The following MYOF variants were observed in gnomAD, a reference collection of about 807,000 sequenced individuals.
MYOF encodes the protein myoferlin.
MYOF carries 244 observed loss-of-function variants against 284.2 expected under a neutral mutation model. That is an observed-to-expected ratio of 0.86 (90% CI 0.77 to 0.95). The LOEUF is 0.95. Ranked by LOEUF, MYOF falls within the 40% of genes least tolerant of loss-of-function variation. The pLI, the probability that MYOF is intolerant of heterozygous loss-of-function variation, is 0.00. For synonymous variants in MYOF, 904 were observed against 919.7 expected (o/e 0.98, Z 0.31); for missense variants, 2,496 against 2,560.6 (o/e 0.97, Z 0.54).
intron 51 of MYOF, among the ~76,000 whole-genome samples, chr10:93,311,869 CTAAG>C (rs1371044637): frequency 1.3e-5 from 2 of 152,162 alleles, no homozygotes; most frequent in Non-Finnish European, 2.9e-5. Context: ...GTCAGCAGAA[CTAAG>C]TGAGGTTATG....
rs184714261 is a variant in MYOF at position 93,348,524 on chromosome 10, A to T, written c.4084-742T>A. Among the ~76,000 whole-genome samples the T allele has an allele frequency of 3.1e-3, 476 of 152,184 alleles. 3 individuals carry two copies. Among genetic ancestry groups the T allele is most frequent in the Middle Eastern group, 6.8e-3 (2 of 294 alleles). ...TGGGGTCACCTGAGTGGTTTTTCTCATCTCTGCTGACCAAGGCTAGATTCC... is the reference window on the plus strand; with the variant it reads ...TGGGGTCACCTGAGTGGTTTTTCTCTTCTCTGCTGACCAAGGCTAGATTCC... On this transcript the variant is annotated intron_variant, in intron 36 of 53. Transcript: ENST00000359263.
At chr10:93,328,297 G>A (rs959364160) in intron 45 of MYOF, among the ~76,000 whole-genome samples, 3 of 152,066 alleles carry the variant, frequency 2.0e-5, no homozygotes, top group Non-Finnish European at 4.4e-5. Context: ...AGGACAGGTC[G>A]GATTATAAAT....
chr10:93,409,558 C>T lies in MYOF; in HGVS notation c.600+15G>A. Reference sequence around the variant, plus strand: ...AAAGATTAAACAAAGAAGCAGAACGCCAGGCCGTTGCTACCTGGAAGTCCT... The same window carrying T: ...AAAGATTAAACAAAGAAGCAGAACGTCAGGCCGTTGCTACCTGGAAGTCCT... On this transcript the variant is annotated intron_variant, in intron 6 of 53. Transcript: ENST00000359263. The T allele has an allele frequency of 6.2e-7, 1 of 1,610,060 alleles. No homozygotes were observed. The highest frequency in any genetic ancestry group is 1.7e-5 in the Admixed American group (1 of 58,728).
At chr10:93,361,755 C>T (rs1040103594) in intron 27 of MYOF, among the ~76,000 whole-genome samples, 198 bp from the exon 28 acceptor site, 1 of 151,904 alleles carries the variant, frequency 6.6e-6, no homozygotes, top group African/African-American at 2.4e-5. Flanking sequence ...TTTAAACTAC[C>T]TTTTGTTTTT....
chr10:93,418,929 C>T (rs879540460), intron 5 of MYOF, among the ~76,000 whole-genome samples: 5 of 152,190 alleles, frequency 3.3e-5, no homozygotes, highest in Non-Finnish European at 7.3e-5. Context: ...ATCCTGGAAA[C>T]AGTGCCTGCA....
At chr10:93,449,157 C>T (rs1175258092) in intron 3 of MYOF, among the ~76,000 whole-genome samples, 1 of 152,214 alleles carries the variant, frequency 6.6e-6, no homozygotes, top group South Asian at 2.1e-4. Flanking sequence ...GTGAAGCAAA[C>T]ACCAGATTCC....
At chr10:93,412,750 A>C (rs1847951526) in intron 5 of MYOF, among the ~76,000 whole-genome samples, 1 of 152,216 alleles carries the variant, frequency 6.6e-6, no homozygotes, top group Admixed American at 6.5e-5. Context: ...GGAATGAGTA[A>C]ACAAATGGGA....
At chr10:93,410,559 A>T (rs1252477506) in intron 5 of MYOF, among the ~76,000 whole-genome samples, 1 of 152,120 alleles carries the variant, frequency 6.6e-6, no homozygotes, top group African/African-American at 2.4e-5. Context: ...GTAGACACAG[A>T]TCTTTCTCTC....
At chr10:93,330,595 C>A (rs893510989) in intron 43 of MYOF, among the ~76,000 whole-genome samples, 3 of 152,168 alleles carry the variant, frequency 2.0e-5, no homozygotes, top group African/African-American at 7.2e-5. Context: ...TATGAAAATG[C>A]AAACACTCCT....
At chr10:93,335,692 C>T (rs1048188389) in intron 41 of MYOF, among the ~76,000 whole-genome samples, 3 of 150,950 alleles carry the variant, frequency 2.0e-5, no homozygotes, top group Non-Finnish European at 4.4e-5. Context: ...AGTGCTCTGG[C>T]CCCCCTCCCC....
rs73319613 is a variant in MYOF, at chr10:93,366,603, A to G, written c.2590-48T>C. ...GGAGAAACACCATCAGAGAGCAAAAAATAAAGCTAGCACATACATTTTCAA... is the reference window on the plus strand; with the variant it reads ...GGAGAAACACCATCAGAGAGCAAAAGATAAAGCTAGCACATACATTTTCAA... On this transcript the variant is annotated intron_variant, in intron 25 of 53. Coordinates refer to ENST00000359263, the MANE Select transcript of MYOF (RefSeq NM_013451.4). 499 of 1,493,624 alleles carry G rather than the reference A, an allele frequency of 3.3e-4. 1 individual carries two copies. The African/African-American group carries it at 6.3e-3, about 19-fold the overall frequency. The allele number at this position is 1,493,624 out of a possible 1,614,324, so 92.5% of individuals were successfully genotyped here. A position where few individuals can be genotyped will look rare whatever the true frequency, so the allele number is the denominator to read the frequency against.
At chr10:93,386,413 TA>T (rs1220594023) in intron 19 of MYOF, among the ~76,000 whole-genome samples, 1 of 152,138 alleles carries the variant, frequency 6.6e-6, no homozygotes, top group Non-Finnish European at 1.5e-5. Context: ...GTCTCTTTAG[TA>T]AAAAAACAAA....
chr10:93,409,061 T>G, intron 6 of MYOF, 146 bp from the exon 7 acceptor site: 1 of 1,239,762 alleles, frequency 8.1e-7, no homozygotes, highest in Non-Finnish European at 1.1e-6. Context: ...TGCTACCAAT[T>G]GGGTGGAGCC....
At chr10:93,443,927 G>A (rs1213863336) in intron 3 of MYOF, among the ~76,000 whole-genome samples, 3 of 152,080 alleles carry the variant, frequency 2.0e-5, no homozygotes, top group South Asian at 4.1e-4. Context: ...GTCTCTAATC[G>A]GCTTCTGCCT....
At chr10:93,360,138 A>G (rs1202152000) in intron 28 of MYOF, among the ~76,000 whole-genome samples, 160 bp from the exon 29 acceptor site, 8 of 152,236 alleles carry the variant, frequency 5.3e-5, no homozygotes, top group Admixed American at 5.2e-4. Context: ...TATTCAGCCA[A>G]ACTGAATACA....
chr10:93,368,145 G>A (rs1845414338), intron 25 of MYOF, among the ~76,000 whole-genome samples: 1 of 152,114 alleles, frequency 6.6e-6, no homozygotes, highest in African/African-American at 2.4e-5. Flanking sequence ...GCAGGAATGA[G>A]CCTCTCCTTA....
intron 4 of MYOF, among the ~76,000 whole-genome samples, chr10:93,427,664 ATTGCC>A (rs1345273022): frequency 1.3e-5 from 2 of 152,120 alleles, no homozygotes; most frequent in Non-Finnish European, 2.9e-5. Context: ...GTTAAATATA[ATTGCC>A]ATTTCTGTTG....
chr10:93,423,525 GAAAAAAAAA>G (rs59012520), intron 5 of MYOF, among the ~76,000 whole-genome samples: 4 of 14,874 alleles, frequency 2.7e-4, no homozygotes, highest in South Asian at 2.3e-3. Flanking sequence ...GACTCCATCT[GAAAAAAAAA>G]AAAAAAAAAA....
intron 41 of MYOF, among the ~76,000 whole-genome samples, chr10:93,334,161 T>C (rs1034369599): frequency 1.3e-5 from 2 of 152,016 alleles, no homozygotes; most frequent in Non-Finnish European, 2.9e-5. Flanking sequence ...GAGGAGAACA[T>C]GGGCCAGTGT....
Sources: gnomAD v4.1 joint callset for allele counts (sites outside exome capture counted in the v4.1 genomes callset) on GRCh38, gnomAD v4.1.1 for gene constraint, MANE v1.5 for transcripts, NCBI Gene and HGNC (gene_info 2026-07-23, HGNC 2026-07-21) for gene names.